The following LINGO1 variants were observed in gnomAD, a reference collection of about 807,000 sequenced individuals.
LINGO1 encodes the protein leucine-rich repeat and immunoglobulin-like domain-containing nogo receptor-interacting protein 1.
A neutral mutation model predicts 37.3 loss-of-function variants in LINGO1; 11 were observed. The ratio of observed to expected loss-of-function variants is 0.29; its 90% CI spans 0.19 to 0.49. The LOEUF (loss-of-function observed/expected upper bound fraction) is 0.49, where lower values mean the gene tolerates loss of function less well. Among genes scored for constraint, LINGO1 ranks in the 20% least tolerant of loss-of-function variants. The pLI is 0.99. For synonymous variants in LINGO1, 387 were observed against 403.0 expected (o/e 0.96, Z 0.48); for missense variants, 585 against 878.2 (o/e 0.67, Z 4.22).
intron 1 of LINGO1, among the ~76,000 whole-genome samples, chr15:77,775,108 G>T (rs899720973): frequency 3.9e-5 from 6 of 152,188 alleles, no homozygotes. Flanking sequence ...GGGAACTGGG[G>T]ATGGCAGCAC....
intron 1 of LINGO1, among the ~76,000 whole-genome samples, chr15:77,818,934 C>G (rs1011435079): frequency 6.6e-6 from 1 of 151,660 alleles, no homozygotes; most frequent in African/African-American, 2.4e-5. Context: ...AAAGGAAGGC[C>G]GGAGTTGCAC....
intron 3 of LINGO1, among the ~76,000 whole-genome samples, chr15:77,672,026 C>T (rs2075258967): frequency 6.6e-6 from 1 of 152,078 alleles, no homozygotes; most frequent in South Asian, 2.1e-4. Flanking sequence ...CCTCCTCCTC[C>T]TCCTCCTCCT....
chr15:77,762,260 G>C lies in LINGO1; in HGVS notation c.-257+24609C>G, dbSNP rs2076485150. On this transcript the variant is annotated intron_variant, in intron 1 of 3. Coordinates refer to the LINGO1 transcript ENST00000561686. ...GCCAGTCTTTCAGGCTCCTGGCTAT[G>C]GTGGTCAGGTCTGGAGGGTGGGGCC... Among the ~76,000 whole-genome samples, 2 of 152,206 alleles carry C rather than the reference G, an allele frequency of 1.3e-5. 1 individual carries two copies. Among genetic ancestry groups the C allele is most frequent in the Non-Finnish European group, 2.9e-5 (2 of 68,030 alleles).
chr15:77,741,841 G>A (rs1242924252), intron 1 of LINGO1, among the ~76,000 whole-genome samples: 1 of 152,320 alleles, frequency 6.6e-6, no homozygotes, highest in East Asian at 1.9e-4. Context: ...GCCTGGCCTA[G>A]AATGTTCTCA....
At chr15:77,656,434 A>G (rs2074867228) in intron 3 of LINGO1, among the ~76,000 whole-genome samples, 1 of 152,186 alleles carries the variant, frequency 6.6e-6, no homozygotes, top group Non-Finnish European at 1.5e-5. Flanking sequence ...AGTATGGTTC[A>G]GCCTCCCCAA....
intron 1 of LINGO1, among the ~76,000 whole-genome samples, chr15:77,817,271 C>T (rs2077056375): frequency 6.6e-6 from 1 of 152,166 alleles, no homozygotes; most frequent in South Asian, 2.1e-4. Flanking sequence ...TTCAGGTGGG[C>T]CACCTGGGGA....
At chr15:77,710,205 C>T (rs1484475104) in intron 2 of LINGO1, among the ~76,000 whole-genome samples, 3 of 152,244 alleles carry the variant, frequency 2.0e-5, no homozygotes, top group South Asian at 2.1e-4. Context: ...CCACCCTTCA[C>T]GTGTCTGCCT....
At chr15:77,790,518 G>A (rs541485335), upstream of LINGO1, among the ~76,000 whole-genome samples, 1 of 152,308 alleles carries the variant, frequency 6.6e-6, no homozygotes, top group South Asian at 2.1e-4. Context: ...GGCCAGGGTG[G>A]GGGGTGGTCT....
intron 1 of LINGO1, among the ~76,000 whole-genome samples, chr15:77,624,205 CTG>C (rs1294049106): frequency 1.1e-4 from 15 of 141,200 alleles, no homozygotes; most frequent in Non-Finnish European, 1.7e-4. Context: ...TGTGTGGCCT[CTG>C]TGTGTGTGTG....
chr15:77,811,194 C>A (rs1353962772), intron 1 of LINGO1, among the ~76,000 whole-genome samples: 1 of 152,186 alleles, frequency 6.6e-6, no homozygotes, highest in Non-Finnish European at 1.5e-5. Context: ...CTGCTTCTGC[C>A]AACAGAGGCT....
intron 2 of LINGO1, chr15:77,734,936 A>C (rs1480643149): frequency 6.6e-6 from 1 of 152,368 alleles, no homozygotes. Flanking sequence ...GCTGCTCTGC[A>C]CAGACCCCTT....
intron 2 of LINGO1, among the ~76,000 whole-genome samples, chr15:77,724,117 G>C (rs984727471): frequency 2.0e-5 from 3 of 152,106 alleles, no homozygotes; most frequent in Non-Finnish European, 4.4e-5. Flanking sequence ...GCAGGAGCGG[G>C]GAGTGGGGAG....
intron 1 of LINGO1, among the ~76,000 whole-genome samples, chr15:77,776,689 G>A (rs1272418834): frequency 6.6e-6 from 1 of 152,168 alleles, no homozygotes; most frequent in Non-Finnish European, 1.5e-5. Flanking sequence ...CTTGTTCAGG[G>A]TCCCACACCA....
At chr15:77,630,566 GGTAA>G (rs954283691) in intron 1 of LINGO1, among the ~76,000 whole-genome samples, 1 of 152,150 alleles carries the variant, frequency 6.6e-6, no homozygotes, top group African/African-American at 2.4e-5. Context: ...TATCGCAAGG[GGTAA>G]GTCTCTCCAC....
rs1176647219 is a variant in LINGO1, at chr15:77,632,244, G to A, written c.6+66C>T. The A allele has an allele frequency of 7.6e-7, 1 of 1,316,596 alleles. No individual in the cohort carries two copies. The highest frequency in any genetic ancestry group is 9.6e-7 in the Non-Finnish European group (1 of 1,037,882). The allele number at this position is 1,316,596 out of a possible 1,614,324, so 81.6% of individuals were successfully genotyped here. A position where few individuals can be genotyped will look rare whatever the true frequency, so the allele number is the denominator to read the frequency against. On this transcript the variant is annotated intron_variant, in intron 1 of 1. Coordinates refer to ENST00000355300, the MANE Select transcript of LINGO1 (RefSeq NM_032808.7). The surrounding 1 kb of genome is among the most constrained non-coding windows in gnomAD (Gnocchi z 6.0). ...CAGGAGGGCGCAGCCAGGGCCGATG[G>A]CGGCCCCCAGGGGCACTCGCCGCGG...
intron 3 of LINGO1, chr15:77,649,103 C>A (rs571641663): frequency 6.6e-6 from 1 of 152,348 alleles, no homozygotes; most frequent in African/African-American, 2.4e-5. Context: ...TAAGAGAGAT[C>A]ATCTGGACTA....
chr15:77,622,884 C>A (rs2073967005), intron 1 of LINGO1, among the ~76,000 whole-genome samples: 1 of 152,200 alleles, frequency 6.6e-6, no homozygotes, highest in African/African-American at 2.4e-5. Context: ...TGAGAAGAAG[C>A]AACGGCCTCT....
intron 1 of LINGO1, among the ~76,000 whole-genome samples, chr15:77,819,043 T>A (rs1028068731): frequency 2.7e-5 from 4 of 149,962 alleles, no homozygotes; most frequent in African/African-American, 9.8e-5. Context: ...CAGGTAAGGG[T>A]GAGGCGGGGC....
intron 2 of LINGO1, among the ~76,000 whole-genome samples, chr15:77,722,149 C>T (rs1357203142): frequency 6.6e-6 from 1 of 152,004 alleles, no homozygotes. Flanking sequence ...TTTAGTATAT[C>T]TTAAATAGGA....
Sources: gnomAD v4.1 joint callset for allele counts (sites outside exome capture counted in the v4.1 genomes callset) on GRCh38, gnomAD v4.1.1 for gene constraint, Gnocchi (gnomAD v3.1) non-coding constraint, MANE v1.5 for transcripts, NCBI Gene and HGNC (gene_info 2026-07-23, HGNC 2026-07-21) for gene names.